The following RSPO4 variants were observed in gnomAD, a reference collection of about 807,000 sequenced individuals.
RSPO4 encodes R-spondin-4.
A neutral mutation model predicts 24.8 loss-of-function variants in RSPO4; 23 were observed. The ratio of observed to expected loss-of-function variants is 0.93; its 90% confidence interval spans 0.67 to 1.31. The LOEUF (loss-of-function observed/expected upper bound fraction) is 1.31, where lower values mean the gene tolerates loss of function less well. Among genes scored for constraint, RSPO4 ranks in the 40% most tolerant of loss-of-function variants. The pLI is 0.00. For synonymous variants in RSPO4, 141 were observed against 127.4 expected, an observed-to-expected ratio of 1.11 and a Z score of -0.72; for missense variants, 333 against 316.5, an observed-to-expected ratio of 1.05 and a Z score of -0.39.
chr20:997,474 C>T (rs373160052), intron 1 of RSPO4, among the ~76,000 whole-genome samples: 7 of 152,164 alleles, frequency 4.6e-5, no homozygotes, highest in South Asian at 2.1e-4. Flanking sequence ...AAACCGAAGC[C>T]GAGAGACCCA....
At chr20:984,994 TCCATCCATCCATCCAC>T (rs1445491839) in intron 1 of RSPO4, among the ~76,000 whole-genome samples, 1 of 130,818 alleles carries the variant, frequency 7.6e-6, no homozygotes, top group Non-Finnish European at 1.6e-5. Flanking sequence ...CACCCATCTA[TCCATCCATCCATCCAC>T]CCATCCATCC....
At chr20:980,161 G>C (rs73892596) in intron 1 of RSPO4, among the ~76,000 whole-genome samples, 216 of 152,278 alleles carry the variant, frequency 1.4e-3, no homozygotes, top group African/African-American at 4.4e-3. Context: ...GATGCTGCTT[G>C]CCCGAGGTCA....
At chr20:974,916 G>A (rs1051109754) in intron 1 of RSPO4, among the ~76,000 whole-genome samples, 3 of 152,062 alleles carry the variant, frequency 2.0e-5, no homozygotes, top group Admixed American at 6.5e-5. Context: ...GATGATTCCC[G>A]ACTAATACAG....
intron 1 of RSPO4, among the ~76,000 whole-genome samples, chr20:991,225 G>A (rs1214506726): frequency 6.6e-6 from 1 of 152,226 alleles, no homozygotes; most frequent in African/African-American, 2.4e-5. Context: ...TCAGGCGAGA[G>A]TCAATGCACC....
intron 1 of RSPO4, among the ~76,000 whole-genome samples, chr20:992,849 T>C (rs1340666926): frequency 6.6e-6 from 1 of 152,168 alleles, no homozygotes; most frequent in Admixed American, 6.5e-5. Flanking sequence ...ATGCCTCATT[T>C]TGCAAATTAG....
chr20:998,821 C>A (rs1985375415), intron 1 of RSPO4, among the ~76,000 whole-genome samples: 1 of 152,142 alleles, frequency 6.6e-6, no homozygotes, highest in South Asian at 2.1e-4. Context: ...TGAAGCACTG[C>A]CAATACCCAG....
rs1300528195 is a variant in RSPO4, at chr20:960,072, C to T, written c.*285G>A. The stretch of plus-strand genomic sequence containing the variant: ...GGATGCGGTGAAGGACAGGAAGAAA[C>T]ACAGGAAGAAAGAAAAGGAAAGATA... On this transcript the variant is annotated 3_prime_UTR_variant, in exon 5 of 5. Coordinates refer to ENST00000217260, the MANE Select transcript of RSPO4 (RefSeq NM_001029871.4). The T allele has an allele frequency of 6.0e-6, 3 of 500,310 alleles. No homozygotes were observed. The highest frequency in any genetic ancestry group is 1.1e-5 in the Non-Finnish European group (3 of 279,952). 31.0% of individuals were successfully genotyped at this position (500,310 alleles called of 1,614,324 possible). A position where few individuals can be genotyped will look rare whatever the true frequency, so the allele number is the denominator to read the frequency against.
At chr20:961,587 G>A (rs1438886494) in intron 4 of RSPO4, among the ~76,000 whole-genome samples, 1 of 152,152 alleles carries the variant, frequency 6.6e-6, no homozygotes, top group Non-Finnish European at 1.5e-5. Context: ...GGAGCACTGA[G>A]GCCAACTCCC....
chr20:977,588 G>A (rs1368245929), intron 1 of RSPO4, among the ~76,000 whole-genome samples: 1 of 152,186 alleles, frequency 6.6e-6, no homozygotes, highest in Non-Finnish European at 1.5e-5. Flanking sequence ...GACAATCAGT[G>A]CAGAGTTTTT....
rs1478399761 is a variant in RSPO4, at chr20:1,001,886, C to T, written c.79+200G>A. Reference sequence around the variant, plus strand: ...TCTGGGTGAGTCTCCTTGGCCCACCCTACTCAATGGCTCGCTCACTGGGTG... The same window carrying T: ...TCTGGGTGAGTCTCCTTGGCCCACCTTACTCAATGGCTCGCTCACTGGGTG... On this transcript the variant is annotated intron_variant, in intron 1 of 4. Transcript: ENST00000217260. Among the ~76,000 whole-genome samples the T allele has an allele frequency of 2.6e-5, 4 of 152,176 alleles. No individual in the cohort carries two copies. In the East Asian group the frequency reaches 7.7e-4, roughly 29 times the overall value.
chr20:977,360 C>A (rs1311251129), intron 1 of RSPO4, among the ~76,000 whole-genome samples: 1 of 152,174 alleles, frequency 6.6e-6, no homozygotes, highest in Admixed American at 6.5e-5. Context: ...AGCTCTGCCC[C>A]TTACCTTTGC....
chr20:1,002,042 C>A lies in RSPO4; in HGVS notation c.79+44G>T. ...CCCGGTCCTCCGGCCCCCGGTCTGC[C>A]CCGCAGCGCCTGCCCGGCCGCCCTG... On this transcript the variant is annotated intron_variant, in intron 1 of 4. Transcript: ENST00000217260. This position sits in a 1 kb window ranked among gnomAD's most constrained non-coding sequence, Gnocchi z 4.6. 1 of 1,512,870 alleles carries A rather than the reference C, an allele frequency of 6.6e-7. No individual in the cohort carries two copies. The allele number at this position is 1,512,870 out of a possible 1,614,324, so 93.7% of individuals were successfully genotyped here. A position where few individuals can be genotyped will look rare whatever the true frequency, so the allele number is the denominator to read the frequency against.
Position 984,066 on chromosome 20 carries a change from G to A in RSPO4, c.80-15928C>T, listed in dbSNP as rs1042105479. On this transcript the variant is annotated intron_variant, in intron 1 of 4. Coordinates refer to ENST00000217260, the MANE Select transcript of RSPO4 (RefSeq NM_001029871.4). ...GAAAGCTTAGAAATAGGCCAGGCAC[G>A]GTGGTTCACACCTGTAATCCCAGCA... 8.5e-5 allele frequency among the ~76,000 whole-genome samples: 13 copies of A among 152,246 alleles called. No individual in the cohort carries two copies. In the Middle Eastern group the frequency reaches 0.017, roughly 199 times the overall value.
At chr20:964,528 G>C (rs1600088108) in intron 3 of RSPO4, among the ~76,000 whole-genome samples, 2 of 152,064 alleles carry the variant, frequency 1.3e-5, no homozygotes, top group East Asian at 3.9e-4. Flanking sequence ...GCGGGGACAG[G>C]AGAGGAGGCT....
At chr20:993,485 C>T (rs1985177373) in intron 1 of RSPO4, among the ~76,000 whole-genome samples, 1 of 152,200 alleles carries the variant, frequency 6.6e-6, no homozygotes, top group African/African-American at 2.4e-5. Context: ...CCTGGGAGCA[C>T]ATCACGACCT....
chr20:960,434 C>T lies in RSPO4; in HGVS notation c.628G>A (p.Asp210Asn). Reference sequence around the variant, plus strand: ...TTCCTGTCCTTGCGTGGGCGCCGGTCCTTCCTGCCCTTCTTCTGGCCGGGG... The same window carrying T: ...TTCCTGTCCTTGCGTGGGCGCCGGTTCTTCCTGCCCTTCTTCTGGCCGGGG... ...RSPGQKKGRK[D>N]RRPRKDRKLD... The change falls in exon 5 of 5, where the codon GAC (aspartate) becomes AAC (asparagine). Residue 210 changes from aspartate (D) to asparagine (N), a missense_variant. Asp to Asn is a conservative substitution (Grantham distance 23). Transcript: ENST00000217260. The T allele has an allele frequency of 6.5e-7, 1 of 1,539,596 alleles. No individual in the cohort carries two copies. Among genetic ancestry groups the T allele is most frequent in the Non-Finnish European group, 8.7e-7 (1 of 1,147,200 alleles).
chr20:986,027 T>C (rs1984909599), intron 1 of RSPO4, among the ~76,000 whole-genome samples: 1 of 152,260 alleles, frequency 6.6e-6, no homozygotes. Context: ...TTCCTATATT[T>C]GGTCAAGTGG....
At chr20:963,141 G>A (rs567765688) in intron 4 of RSPO4, among the ~76,000 whole-genome samples, 26 of 152,290 alleles carry the variant, frequency 1.7e-4, no homozygotes, top group African/African-American at 4.3e-4. Flanking sequence ...AGTGAAGGGG[G>A]TTCCTGTGGC....
At chr20:972,576 C>G (rs188574051) in intron 1 of RSPO4, among the ~76,000 whole-genome samples, 20 of 152,298 alleles carry the variant, frequency 1.3e-4, no homozygotes, top group African/African-American at 4.6e-4. Flanking sequence ...CATGGCAGAT[C>G]CAGGAGGCAG....
Sources: allele counts gnomAD v4.1 joint callset (sites outside exome capture counted in the v4.1 genomes callset), GRCh38; gene constraint gnomAD v4.1.1; non-coding constraint Gnocchi (gnomAD v3.1); transcripts MANE v1.5; gene names NCBI Gene and HGNC (gene_info 2026-07-23, HGNC 2026-07-21).